The following FBXW10B variants were observed in gnomAD, a reference collection of about 807,000 sequenced individuals.
FBXW10B encodes the protein F-box and WD repeat domain containing 10B.
the FBXW10B span, among the ~76,000 whole-genome samples, chr17:15,603,505 C>A: frequency 6.6e-6 from 1 of 152,010 alleles, no homozygotes; most frequent in Non-Finnish European, 1.5e-5. Flanking sequence ...AAATTTAAAC[C>A]CCAATAAAAC....
At chr17:15,601,377 C>G in the FBXW10B span, among the ~76,000 whole-genome samples, 1 of 137,112 alleles carries the variant, frequency 7.3e-6, no homozygotes, top group Non-Finnish European at 1.5e-5. Flanking sequence ...CTACCGCACT[C>G]TAGCCTGGGC....
the FBXW10B span, among the ~76,000 whole-genome samples, chr17:15,617,276 C>G: frequency 6.6e-6 from 1 of 152,056 alleles, no homozygotes. Flanking sequence ...CTTTTGGATT[C>G]CACTAGTCTA....
the FBXW10B span, among the ~76,000 whole-genome samples, chr17:15,582,747 A>C: frequency 6.6e-6 from 1 of 152,196 alleles, no homozygotes; most frequent in African/African-American, 2.4e-5. Flanking sequence ...TGGAGCCAAG[A>C]ATAATAGAAC....
chr17:15,565,718 C>T, the FBXW10B span: 1 of 1,614,138 alleles, frequency 6.2e-7, no homozygotes, highest in Admixed American at 1.7e-5. Context: ...TCCTTCTCCT[C>T]CTTCACGGTC....
the FBXW10B span, among the ~76,000 whole-genome samples, chr17:15,617,786 T>C: frequency 6.6e-6 from 1 of 152,206 alleles, no homozygotes; most frequent in African/African-American, 2.4e-5. Flanking sequence ...GCTGGTGCCA[T>C]GCTTCTGGTA....
At chr17:15,569,806 C>A in the FBXW10B span, among the ~76,000 whole-genome samples, 1 of 152,022 alleles carries the variant, frequency 6.6e-6, no homozygotes, top group Non-Finnish European at 1.5e-5. Flanking sequence ...AACTCCTGGC[C>A]TCAAGTGATC....
At chr17:15,611,324 G>A in the FBXW10B span, among the ~76,000 whole-genome samples, 1 of 152,140 alleles carries the variant, frequency 6.6e-6, no homozygotes, top group Non-Finnish European at 1.5e-5. Flanking sequence ...ACCTGGCCCA[G>A]AAATGTGTTT....
At chr17:15,611,870 G>A in the FBXW10B span, among the ~76,000 whole-genome samples, 24 of 152,168 alleles carry the variant, frequency 1.6e-4, no homozygotes, top group African/African-American at 5.6e-4. Flanking sequence ...TATTGCCCAA[G>A]AACTAGTGGA....
the FBXW10B span, among the ~76,000 whole-genome samples, chr17:15,600,988 T>C: frequency 5.2e-5 from 6 of 115,400 alleles, no homozygotes; most frequent in African/African-American, 2.1e-4. Flanking sequence ...GAGTCGGAGG[T>C]TACAGTGAGC....
the FBXW10B span, among the ~76,000 whole-genome samples, chr17:15,587,608 C>G: frequency 6.6e-6 from 1 of 151,844 alleles, no homozygotes; most frequent in East Asian, 1.9e-4. Flanking sequence ...CTGGCCCCCT[C>G]CCGGCTAAAT....
At chr17:15,572,733 C>T in the FBXW10B span, 75 of 151,402 alleles carry the variant, frequency 5.0e-4, no homozygotes, top group African/African-American at 1.7e-3. Context: ...TCTGGGGGAA[C>T]GTACGGTGGC....
the FBXW10B span, chr17:15,573,486 A>G: frequency 6.6e-6 from 1 of 152,142 alleles, no homozygotes; most frequent in Non-Finnish European, 1.5e-5. Flanking sequence ...CACAGTCATT[A>G]TTTTCCAGAA....
the FBXW10B span, chr17:15,593,458 T>G: frequency 6.2e-7 from 1 of 1,614,136 alleles, no homozygotes; most frequent in Non-Finnish European, 8.5e-7. Flanking sequence ...CAGGCGCTGA[T>G]GACCCGGAGG....
chr17:15,580,139 C>T, the FBXW10B span, among the ~76,000 whole-genome samples: 1 of 151,380 alleles, frequency 6.6e-6, no homozygotes, highest in African/African-American at 2.4e-5. Context: ...AACCATGAAC[C>T]GATTTGCATG....
chr17:15,599,481 T>C, the FBXW10B span, among the ~76,000 whole-genome samples: 1 of 133,884 alleles, frequency 7.5e-6, no homozygotes, highest in African/African-American at 2.9e-5. Flanking sequence ...ACTGGAATAG[T>C]GACTAACATG....
chr17:15,598,511 T>G, the FBXW10B span: 4 of 1,613,422 alleles, frequency 2.5e-6, no homozygotes, highest in Non-Finnish European at 3.4e-6. Flanking sequence ...TCTTAGAAAA[T>G]TTAAGGCACT....
the FBXW10B span, among the ~76,000 whole-genome samples, chr17:15,610,194 G>C: frequency 0.13 from 19,601 of 152,072 alleles, 1,330 homozygotes; most frequent in African/African-American, 0.17. Context: ...AAGAATTAAA[G>C]AAAGAGGAGA....
the FBXW10B span, chr17:15,566,035 A>C: frequency 1.2e-6 from 2 of 1,609,926 alleles, no homozygotes; most frequent in East Asian, 4.5e-5. Flanking sequence ...CTGGATTTCA[A>C]GGGGAATACT....
the FBXW10B span, among the ~76,000 whole-genome samples, chr17:15,603,176 G>T: frequency 2.0e-5 from 3 of 151,582 alleles, no homozygotes; most frequent in South Asian, 4.2e-4. Context: ...GAGCCACCGC[G>T]CCTGGCCCAT....
Sources: allele counts gnomAD v4.1 joint callset (sites outside exome capture counted in the v4.1 genomes callset), GRCh38; gene constraint gnomAD v4.1.1; transcripts MANE v1.5; gene names NCBI Gene and HGNC (gene_info 2026-07-23, HGNC 2026-07-21).